PTPRD: variants seen among roughly 807,000 people sequenced by gnomAD.
The protein encoded by PTPRD is protein tyrosine phosphatase receptor type D.
In PTPRD, 34 loss-of-function variants were observed where a neutral mutation model predicts 214.5. The ratio of observed to expected loss-of-function variants is 0.16; its 90% CI spans 0.12 to 0.21. The LOEUF is 0.21. Among genes scored for constraint, PTPRD ranks in the 10% least tolerant of loss-of-function variants. The pLI is 1.00. For missense variants in PTPRD, 2,545 were observed against 2,398.7 expected (o/e 1.06, Z -1.27); for synonymous variants, 1,128 against 845.7 (o/e 1.33, Z -5.79).
intron 2 of PTPRD, among the ~76,000 whole-genome samples, chr9:10,557,253 T>C (rs947639516): frequency 2.2e-4 from 33 of 152,232 alleles, no homozygotes; most frequent in African/African-American, 7.7e-4. Context: ...TCTTTTTCTC[T>C]GTCTCTCATT....
chr9:10,279,654 C>T (rs1461535432), intron 3 of PTPRD, among the ~76,000 whole-genome samples: 1 of 151,180 alleles, frequency 6.6e-6, no homozygotes, highest in Non-Finnish European at 1.5e-5. Context: ...TATTAGGTAC[C>T]TAGGTACTAT....
intron 11 of PTPRD, among the ~76,000 whole-genome samples, chr9:8,750,428 G>A (rs1400737852): frequency 6.6e-6 from 1 of 152,076 alleles, no homozygotes. Flanking sequence ...AAAGTGCTGG[G>A]ATTACAGGCA....
At chr9:8,830,582 A>G (rs1172139617) in intron 11 of PTPRD, among the ~76,000 whole-genome samples, 3 of 152,126 alleles carry the variant, frequency 2.0e-5, no homozygotes, top group Non-Finnish European at 4.4e-5. Flanking sequence ...GATCATCTCA[A>G]AACTCCTTCA....
At chr9:8,485,727 T>G (rs1369999843) in intron 28 of PTPRD, 35 bp downstream of exon 28, 1 of 1,538,080 alleles carries the variant, frequency 6.5e-7, no homozygotes, top group African/African-American at 1.4e-5. Flanking sequence ...TGACAATCCT[T>G]TAAAGGAGGA....
rs149040026 is a variant in PTPRD at position 10,521,569 on chromosome 9, T to C, written c.-600+90829A>G. Reference sequence around the variant, plus strand: ...ATAGTCAAAGTGCCATCAGAGAGCATTGCATGCTGCAGAGAAATCCTTCGT... The same window carrying C: ...ATAGTCAAAGTGCCATCAGAGAGCACTGCATGCTGCAGAGAAATCCTTCGT... On this transcript the variant is annotated intron_variant, in intron 2 of 45. Coordinates refer to ENST00000381196, the MANE Select transcript of PTPRD (RefSeq NM_002839.4). Among the ~76,000 whole-genome samples, 1,430 of 152,316 alleles carry C rather than the reference T, an allele frequency of 9.4e-3. 18 individuals carry two copies. The highest frequency in any genetic ancestry group is 0.032 in the African/African-American group (1,322 of 41,570).
intron 8 of PTPRD, among the ~76,000 whole-genome samples, chr9:9,509,509 T>A (rs2096649084): frequency 6.6e-6 from 1 of 151,492 alleles, no homozygotes; most frequent in Admixed American, 6.6e-5. Context: ...GATCACCTGC[T>A]TTCTGTTGAC....
At chr9:9,432,091 A>T (rs2083424491) in intron 8 of PTPRD, among the ~76,000 whole-genome samples, 1 of 145,292 alleles carries the variant, frequency 6.9e-6, no homozygotes, top group Non-Finnish European at 1.5e-5. Flanking sequence ...ATAATAATAA[A>T]AGAAACACTG....
intron 3 of PTPRD, among the ~76,000 whole-genome samples, chr9:10,140,866 C>A (rs1436522125): frequency 2.6e-5 from 4 of 151,754 alleles, no homozygotes; most frequent in African/African-American, 4.8e-5. Flanking sequence ...TACTGGCAAA[C>A]CGAATCCAGC....
At chr9:9,941,467 A>G (rs896798495) in intron 4 of PTPRD, among the ~76,000 whole-genome samples, 2 of 152,028 alleles carry the variant, frequency 1.3e-5, no homozygotes, top group Non-Finnish European at 2.9e-5. Flanking sequence ...GGATTACAGG[A>G]ACCCAGCACC....
At chr9:9,898,978 C>G (rs954115474) in intron 5 of PTPRD, among the ~76,000 whole-genome samples, 3 of 152,016 alleles carry the variant, frequency 2.0e-5, no homozygotes, top group Non-Finnish European at 4.4e-5. Flanking sequence ...TGATTATCTA[C>G]ATAACAAATC....
intron 9 of PTPRD, among the ~76,000 whole-genome samples, chr9:9,231,274 G>A (rs1473778925): frequency 6.6e-6 from 1 of 151,990 alleles, no homozygotes; most frequent in East Asian, 1.9e-4. Context: ...TTAATGACTG[G>A]GAATTAAATT....
chr9:10,390,769 C>G (rs1429907286), intron 2 of PTPRD, among the ~76,000 whole-genome samples: 2 of 151,800 alleles, frequency 1.3e-5, no homozygotes, highest in East Asian at 3.9e-4. Context: ...CAGGCTTGCT[C>G]TTATCTGATT....
intron 7 of PTPRD, among the ~76,000 whole-genome samples, chr9:9,648,928 T>C (rs906772219): frequency 6.6e-6 from 1 of 151,952 alleles, no homozygotes; most frequent in Non-Finnish European, 1.5e-5. Context: ...ATAACAACAG[T>C]GAAGGCCAGC....
intron 11 of PTPRD, among the ~76,000 whole-genome samples, chr9:8,912,819 G>A (rs1222418184): frequency 1.3e-5 from 2 of 152,066 alleles, no homozygotes; most frequent in Non-Finnish European, 2.9e-5. Context: ...GTAGAACCCT[G>A]GTAAAGTTGC....
intron 10 of PTPRD, among the ~76,000 whole-genome samples, chr9:9,073,435 G>T (rs1218400579): frequency 6.6e-6 from 1 of 152,112 alleles, no homozygotes; most frequent in East Asian, 1.9e-4. Context: ...TCAGTTGTTT[G>T]GTCAAACACT....
intron 9 of PTPRD, among the ~76,000 whole-genome samples, chr9:9,370,056 C>G (rs1175187600): frequency 6.6e-6 from 1 of 152,130 alleles, no homozygotes; most frequent in Non-Finnish European, 1.5e-5. Context: ...ATGCCTCCAG[C>G]TTTGTTCTTT....
At chr9:9,660,785 A>G (rs2096608037) in intron 7 of PTPRD, among the ~76,000 whole-genome samples, 1 of 151,970 alleles carries the variant, frequency 6.6e-6, no homozygotes, top group Non-Finnish European at 1.5e-5. Context: ...GATTATGCAT[A>G]GAAAATTAAT....
intron 8 of PTPRD, among the ~76,000 whole-genome samples, chr9:9,425,884 A>G (rs1370967532): frequency 1.3e-5 from 2 of 152,198 alleles, no homozygotes; most frequent in Non-Finnish European, 2.9e-5. Context: ...GAAAAAATGA[A>G]TGCAACAATA....
chr9:9,914,130 G>A (rs2080001017), intron 5 of PTPRD, among the ~76,000 whole-genome samples: 1 of 152,146 alleles, frequency 6.6e-6, no homozygotes, highest in African/African-American at 2.4e-5. Flanking sequence ...GCCAAATGCT[G>A]CACTCCTTTC....
Sources: gnomAD v4.1 joint callset for allele counts (sites outside exome capture counted in the v4.1 genomes callset) on GRCh38, gnomAD v4.1.1 for gene constraint, MANE v1.5 for transcripts, NCBI Gene and HGNC (gene_info 2026-07-23, HGNC 2026-07-21) for gene names.